The following HCN1 variants were observed in gnomAD, a reference collection of about 807,000 sequenced individuals.
HCN1 encodes the protein potassium/sodium hyperpolarization-activated cyclic nucleotide-gated channel 1.
Under a neutral mutation model 78.9 loss-of-function variants are expected in HCN1, and 13 were observed. The observed-to-expected ratio is 0.16, with a 90% CI of 0.11 to 0.26. HCN1 has a LOEUF of 0.26. HCN1 is among the 10% of genes least tolerant of loss of function. The pLI, the probability that HCN1 is intolerant of heterozygous loss-of-function variation, is 1.00. For synonymous variants in HCN1, 552 were observed against 455.5 expected (o/e 1.21, Z -2.70); for missense variants, 810 against 1,154.3 (o/e 0.70, Z 4.32).
At chr5:45,568,170 A>G (rs554904666) in intron 2 of HCN1, among the ~76,000 whole-genome samples, 1 of 152,216 alleles carries the variant, frequency 6.6e-6, no homozygotes, top group African/African-American at 2.4e-5. Flanking sequence ...TAATATTAAG[A>G]GTATTTTCTC....
intron 2 of HCN1, among the ~76,000 whole-genome samples, chr5:45,498,086 G>A (rs1049754645): frequency 5.3e-5 from 8 of 152,104 alleles, no homozygotes; most frequent in Non-Finnish European, 4.4e-5. Context: ...TTCTCGAGGA[G>A]TATCTTTGTG....
At chr5:45,479,109 A>C (rs998859606) in intron 2 of HCN1, among the ~76,000 whole-genome samples, 1 of 151,258 alleles carries the variant, frequency 6.6e-6, no homozygotes, top group South Asian at 2.1e-4. Flanking sequence ...CCTGGGCTAC[A>C]GAGCGAGACT....
rs77871018 is a variant in HCN1 at position 45,263,422 on chromosome 5, C to T, written c.1784-612G>A. 4.6e-3 allele frequency among the ~76,000 whole-genome samples: 699 copies of T among 152,266 alleles called. 3 individuals are homozygous for T. The highest frequency in any genetic ancestry group is 0.016 in the African/African-American group (671 of 41,540). On this transcript the variant is annotated intron_variant, in intron 7 of 7. Coordinates refer to ENST00000303230, the MANE Select transcript of HCN1 (RefSeq NM_021072.4). ...CCATATACACAAAAAAGTGATTGCA[C>T]ATCCTTGCTATGGAAAATGAACCAA...
Position 45,321,253 on chromosome 5 carries a change from C to T in HCN1, c.1378-17414G>A, listed in dbSNP as rs1746119910. Among the ~76,000 whole-genome samples, 6 of 151,806 alleles carry T rather than the reference C, an allele frequency of 4.0e-5. 1 individual carries two copies. In the South Asian group the frequency reaches 1.2e-3, roughly 31 times the overall value. On this transcript the variant is annotated intron_variant, in intron 5 of 7. Coordinates refer to ENST00000303230, the MANE Select transcript of HCN1 (RefSeq NM_021072.4). ...GATGGGAACCTGATTTATTAAGCCC[C>T]CATTTTGAGCTAGGTAGTTCGCATA...
intron 2 of HCN1, among the ~76,000 whole-genome samples, chr5:45,572,794 C>G (rs1472164667): frequency 2.0e-5 from 3 of 152,012 alleles, no homozygotes; most frequent in Non-Finnish European, 4.4e-5. Flanking sequence ...TGAACACAAG[C>G]CCTTCCCTTA....
intron 2 of HCN1, among the ~76,000 whole-genome samples, chr5:45,542,941 C>G (rs901652791): frequency 2.0e-5 from 3 of 152,066 alleles, no homozygotes; most frequent in Admixed American, 6.6e-5. Context: ...TAGAAAGATA[C>G]AGAGGTATGC....
At chr5:45,541,555 T>C (rs1743108301) in intron 2 of HCN1, among the ~76,000 whole-genome samples, 1 of 152,212 alleles carries the variant, frequency 6.6e-6, no homozygotes, top group South Asian at 2.1e-4. Flanking sequence ...CACTTTATCA[T>C]TTATTTTTTG....
intron 6 of HCN1, among the ~76,000 whole-genome samples, chr5:45,278,391 G>C (rs933043654): frequency 6.6e-6 from 1 of 152,040 alleles, no homozygotes; most frequent in Non-Finnish European, 1.5e-5. Flanking sequence ...CTTTGTGCAA[G>C]ATAACAGAAA....
At chr5:45,544,568 T>A (rs1490274334) in intron 2 of HCN1, among the ~76,000 whole-genome samples, 1 of 151,964 alleles carries the variant, frequency 6.6e-6, no homozygotes, top group African/African-American at 2.4e-5. Context: ...TACATTTACA[T>A]TAGGTATACC....
intron 3 of HCN1, among the ~76,000 whole-genome samples, chr5:45,414,826 A>G (rs181394921): frequency 6.6e-6 from 1 of 152,042 alleles, no homozygotes; most frequent in East Asian, 1.9e-4. Context: ...TTGATTTGAG[A>G]CTATCTTAGG....
chr5:45,524,158 A>G (rs1272079746), intron 2 of HCN1, among the ~76,000 whole-genome samples: 1 of 152,164 alleles, frequency 6.6e-6, no homozygotes, highest in Non-Finnish European at 1.5e-5. Context: ...TTTGTCAAAG[A>G]TCAGATAGTT....
intron 5 of HCN1, among the ~76,000 whole-genome samples, chr5:45,329,038 TAGG>T (rs1746290503): frequency 6.6e-6 from 1 of 151,616 alleles, no homozygotes; most frequent in Admixed American, 6.6e-5. Flanking sequence ...GGGAGGCAGA[TAGG>T]AGTGGTTTTG....
At chr5:45,311,973 A>C (rs946964858) in intron 5 of HCN1, among the ~76,000 whole-genome samples, 1 of 152,262 alleles carries the variant, frequency 6.6e-6, no homozygotes, top group Admixed American at 6.5e-5. Flanking sequence ...ATTTCAAGTA[A>C]GAAAAAATCT....
intron 5 of HCN1, among the ~76,000 whole-genome samples, chr5:45,329,955 C>T (rs1300946803): frequency 6.6e-6 from 1 of 151,212 alleles, no homozygotes; most frequent in East Asian, 1.9e-4. Context: ...GATAGGAGAG[C>T]AAAGACCATC....
In HCN1 at chr5:45,695,963, C is replaced by T; in HGVS notation, c.131G>A (p.Gly44Glu). ...AAEKRLGTPP[G>E]GGGAGAKEHG... ...CTCCTTCGCGCCGGCCCCGCCGCCC[C>T]CCGGCGGGGTGCCCAGGCGCTTCTC... The change falls in exon 1 of 8, where the codon GGG becomes GAG. Residue 44 changes from glycine to glutamate, a missense_variant. By Grantham distance (98) the Gly-to-Glu change is moderately conservative (BLOSUM62 -2). Coordinates refer to ENST00000303230, the MANE Select transcript of HCN1 (RefSeq NM_021072.4). 1.5e-6 allele frequency: 2 copies of T among 1,327,840 alleles called. No homozygotes were observed. Among genetic ancestry groups the T allele is most frequent in the Non-Finnish European group, 1.9e-6 (2 of 1,047,170 alleles). 82.3% of individuals were successfully genotyped at this position (1,327,840 alleles called of 1,614,324 possible).
intron 1 of HCN1, 81 bp downstream of exon 1, chr5:45,695,588 G>T (rs534597705): frequency 7.1e-7 from 1 of 1,413,076 alleles, no homozygotes. Context: ...TAGTCCCCGG[G>T]ACGCCCCCCA....
chr5:45,688,566 G>C (rs1467661079), intron 1 of HCN1, among the ~76,000 whole-genome samples: 1 of 152,060 alleles, frequency 6.6e-6, no homozygotes, highest in Non-Finnish European at 1.5e-5. Flanking sequence ...GACCTGCTTG[G>C]AGAATAATTC....
intron 2 of HCN1, among the ~76,000 whole-genome samples, chr5:45,618,310 C>CT (rs967175275): frequency 1.3e-5 from 2 of 151,902 alleles, no homozygotes. Flanking sequence ...ATTCCTCCTG[C>CT]TAAGAGGATG....
rs370305687 is a variant in HCN1 at position 45,548,748 on chromosome 5, C to T, written c.850-86741G>A. Among the ~76,000 whole-genome samples, 26 of 152,236 alleles carry T rather than the reference C, an allele frequency of 1.7e-4. 2 individuals are homozygous for T. The highest frequency in any genetic ancestry group is 6.0e-4 in the African/African-American group (25 of 41,536). On this transcript the variant is annotated intron_variant, in intron 2 of 7. Transcript: ENST00000303230. Reference sequence around the variant, plus strand: ...CCATGATTGTGTACATAGAAAACCCCATTGTCTCAGCTCAAAATCTCCTTA... The same window carrying T: ...CCATGATTGTGTACATAGAAAACCCTATTGTCTCAGCTCAAAATCTCCTTA...
Sources: gnomAD v4.1 joint callset for allele counts (sites outside exome capture counted in the v4.1 genomes callset) on GRCh38, gnomAD v4.1.1 for gene constraint, MANE v1.5 for transcripts, NCBI Gene and HGNC (gene_info 2026-07-23, HGNC 2026-07-21) for gene names.